HNF1A: variants seen among roughly 807,000 people sequenced by gnomAD.
The protein encoded by HNF1A is HNF1 homeobox A.
In HNF1A, 21 loss-of-function variants were observed where a neutral mutation model predicts 62.2. That is an observed-to-expected ratio of 0.34 (90% confidence interval 0.24 to 0.49). HNF1A has a LOEUF of 0.49. Ranked by LOEUF, HNF1A falls within the 20% of genes least tolerant of loss-of-function variation. HNF1A has a pLI of 0.99. For synonymous variants in HNF1A, 374 were observed against 366.8 expected (o/e 1.02, Z -0.22); for missense variants, 687 against 832.3 (o/e 0.83, Z 2.15).
chr12:121,001,790 C>CT lies in HNF1A; in HGVS notation c.*599dup, dbSNP rs1430668301. 1 of 536,294 alleles carries CT rather than the reference C, an allele frequency of 1.9e-6. No individual in the cohort carries two copies. Among genetic ancestry groups the CT allele is most frequent in the Non-Finnish European group, 3.6e-6 (1 of 276,492 alleles). 33.2% of individuals were successfully genotyped at this position (536,294 alleles called of 1,614,324 possible). On this transcript the variant is annotated 3_prime_UTR_variant, in exon 10 of 10. Coordinates refer to ENST00000257555, the MANE Select transcript of HNF1A (RefSeq NM_000545.8). ...CTACTCTGTGCCAGAGCCTGGGGCT[C>CT]TAACGCCTGAGCCCAGGGAGGCCGA...
chr12:120,997,703 T>C (rs1043707065), intron 7 of HNF1A, 38 bp downstream of exon 7: 11 of 1,581,930 alleles, frequency 7.0e-6, no homozygotes, highest in Middle Eastern at 1.7e-4. Context: ...GAGATGATGA[T>C]AGAGGTTGGC....
chr12:120,989,850 G>C (rs11065387), intron 2 of HNF1A, among the ~76,000 whole-genome samples: 2,535 of 152,224 alleles, frequency 0.017, 34 homozygotes, highest in Non-Finnish European at 0.024. Context: ...ATGACCTTTA[G>C]ACTAGGTCTT....
chr12:120,989,083 C>T, intron 2 of HNF1A, 51 bp downstream of exon 2: 1 of 1,565,442 alleles, frequency 6.4e-7, no homozygotes, highest in Non-Finnish European at 8.8e-7. Flanking sequence ...CAGGACTCTC[C>T]CCTAACTCAT....
At chr12:120,986,510 C>T (rs1662991471) in intron 1 of HNF1A, among the ~76,000 whole-genome samples, 1 of 152,192 alleles carries the variant, frequency 6.6e-6, no homozygotes, top group Admixed American at 6.5e-5. Flanking sequence ...ATCACGCAGA[C>T]CCAAGTTCAA....
intron 7 of HNF1A, among the ~76,000 whole-genome samples, chr12:120,998,990 A>G (rs1877268230): frequency 6.6e-6 from 1 of 152,262 alleles, no homozygotes; most frequent in South Asian, 2.1e-4. Context: ...GTTCCCTTTC[A>G]TACCTGCTGT....
rs1240326976 is a variant in HNF1A at position 121,002,144 on chromosome 12, G to C, written c.*952G>C. 1 of 515,018 alleles carries C rather than the reference G, an allele frequency of 1.9e-6. No individual in the cohort carries two copies. Among genetic ancestry groups the C allele is most frequent in the Non-Finnish European group, 3.8e-6 (1 of 266,306 alleles). The allele number at this position is 515,018 out of a possible 1,614,324, so 31.9% of individuals were successfully genotyped here. ...GCCCGAGCAGCTGAGCAGGGCCGGGGAACTGGCCAAGCTGAGGTGCCCAGG... is the reference window on the plus strand; with the variant it reads ...GCCCGAGCAGCTGAGCAGGGCCGGGCAACTGGCCAAGCTGAGGTGCCCAGG... On this transcript the variant is annotated 3_prime_UTR_variant, in exon 10 of 10. Coordinates refer to ENST00000257555, the MANE Select transcript of HNF1A (RefSeq NM_000545.8).
At chr12:120,981,593 C>T (rs1197492625) in intron 1 of HNF1A, among the ~76,000 whole-genome samples, 1 of 152,206 alleles carries the variant, frequency 6.6e-6, no homozygotes, top group Non-Finnish European at 1.5e-5. Context: ...CCAATTCCCA[C>T]CCCAGGGCCT....
Position 120,978,761 on chromosome 12 carries a change from G to C in HNF1A, c.-8G>C. On this transcript the variant is annotated 5_prime_UTR_variant, in exon 1 of 10. Transcript: ENST00000257555. ...ACCCGGGCCGCGTGGCCCTGTGGCA[G>C]CCGAGCCATGGTTTCTAAACTGAGC... 6.2e-7 allele frequency: 1 copy of C among 1,612,456 alleles called. No individual in the cohort carries two copies. Among genetic ancestry groups the C allele is most frequent in the Non-Finnish European group, 8.5e-7 (1 of 1,179,710 alleles).
chr12:120,995,834 C>G (rs1446539036), intron 4 of HNF1A, among the ~76,000 whole-genome samples: 1 of 152,122 alleles, frequency 6.6e-6, no homozygotes, highest in African/African-American at 2.4e-5. Flanking sequence ...CCACTCAATT[C>G]CATCTACTCT....
chr12:121,002,357 C>T lies in HNF1A; in HGVS notation c.*1165C>T, dbSNP rs927067298. ...CAAGCATGGTCCCACATCCCTGGGC[C>T]TGCTGCTGAGAACCTGGCCTTCAGT... On this transcript the variant is annotated 3_prime_UTR_variant, in exon 10 of 10. Coordinates refer to ENST00000257555, the MANE Select transcript of HNF1A (RefSeq NM_000545.8). The T allele has an allele frequency of 2.9e-4, 144 of 488,960 alleles. 1 individual carries two copies. Among genetic ancestry groups the T allele is most frequent in the Admixed American group, 5.6e-5 (2 of 36,016 alleles). 30.3% of individuals were successfully genotyped at this position (488,960 alleles called of 1,614,324 possible).
At chr12:120,979,138 G>A in intron 1 of HNF1A, 44 bp downstream of exon 1, 3 of 1,552,812 alleles carry the variant, frequency 1.9e-6, no homozygotes, top group Non-Finnish European at 2.6e-6. Flanking sequence ...GAGCCTAGAG[G>A]GGCCCCCCTC....
intron 1 of HNF1A, among the ~76,000 whole-genome samples, chr12:120,987,213 G>A (rs1033242880): frequency 3.3e-5 from 5 of 151,904 alleles, no homozygotes; most frequent in Non-Finnish European, 7.4e-5. Flanking sequence ...GGTGGCTCAC[G>A]CCAGTAATCC....
At chr12:120,989,086 T>C in intron 2 of HNF1A, 54 bp downstream of exon 2, 6 of 1,528,132 alleles carry the variant, frequency 3.9e-6, no homozygotes, top group Non-Finnish European at 5.4e-6. Flanking sequence ...GACTCTCCCC[T>C]AACTCATAGG....
chr12:121,001,591 G>A lies in HNF1A; in HGVS notation c.*399G>A, dbSNP rs1877489070. The stretch of plus-strand genomic sequence containing the variant: ...GGCAGCCACACTTCTCAGGACACAG[G>A]CCTGTGTAGCTGTGACCTGCTGAGC... On this transcript the variant is annotated 3_prime_UTR_variant, in exon 10 of 10. Transcript: ENST00000257555. 7 of 441,042 alleles carry A rather than the reference G, an allele frequency of 1.6e-5. No homozygotes were observed. The highest frequency in any genetic ancestry group is 3.0e-5 in the Non-Finnish European group (7 of 231,778). The allele number at this position is 441,042 out of a possible 1,614,324, so 27.3% of individuals were successfully genotyped here.
chr12:120,988,722 T>A, intron 1 of HNF1A, 111 bp from the exon 2 acceptor site: 1 of 963,118 alleles, frequency 1.0e-6, no homozygotes, highest in East Asian at 2.6e-5. Flanking sequence ...ACTGCTTTCA[T>A]GCACAGTCCC....
intron 2 of HNF1A, among the ~76,000 whole-genome samples, 161 bp downstream of exon 2, chr12:120,989,193 G>A (rs1414384687): frequency 6.6e-6 from 1 of 152,194 alleles, no homozygotes; most frequent in Non-Finnish European, 1.5e-5. Context: ...TTCTGCGCCA[G>A]GCACTCTGTG....
chr12:120,996,929 T>A lies in HNF1A; in HGVS notation c.1309+187T>A, dbSNP rs184963118. ...TGGGTGAACCAAACAGACCAAAATC[T>A]CAGCAACTCAAGCAGGGAGGCAGGC... On this transcript the variant is annotated intron_variant, in intron 6 of 9. Coordinates refer to ENST00000257555, the MANE Select transcript of HNF1A (RefSeq NM_000545.8). The surrounding 1 kb of genome is among the most constrained non-coding windows in gnomAD (Gnocchi z 4.5). The A allele has an allele frequency of 1.0e-4, 155 of 1,501,452 alleles. No individual in the cohort carries two copies. The African/African-American group carries it at 1.6e-3, about 15-fold the overall frequency. 93.0% of individuals were successfully genotyped at this position (1,501,452 alleles called of 1,614,324 possible).
chr12:120,999,309 A>G lies in HNF1A; in HGVS notation c.1543A>G (p.Thr515Ala). 2 of 1,613,810 alleles carry G rather than the reference A, an allele frequency of 1.2e-6. No individual in the cohort carries two copies. The highest frequency in any genetic ancestry group is 1.7e-6 in the Non-Finnish European group (2 of 1,179,952). Residue 515 changes from threonine to alanine, a missense_variant, in exon 8 of 10, where the codon ACG (threonine) becomes GCG (alanine). Thr to Ala is a moderately conservative substitution (Grantham distance 58, BLOSUM62 0). Coordinates refer to ENST00000257555, the MANE Select transcript of HNF1A (RefSeq NM_000545.8). ...HKPEVAQYTH[T>A]GLLPQTMLIT... ...GCCCGAGGTGGCCCAGTACACCCAC[A>G]CGGGCCTGCTCCCGCAGACTATGCT... is the stretch of plus-strand genomic sequence containing the variant.
At chr12:120,984,246 G>A (rs866922441) in intron 1 of HNF1A, among the ~76,000 whole-genome samples, 2 of 152,036 alleles carry the variant, frequency 1.3e-5, no homozygotes, top group Admixed American at 1.3e-4. Context: ...GCCTGTCTTC[G>A]GTTTCTAAGG....
Sources: gnomAD v4.1 joint callset for allele counts (sites outside exome capture counted in the v4.1 genomes callset) on GRCh38, gnomAD v4.1.1 for gene constraint, Gnocchi (gnomAD v3.1) non-coding constraint, MANE v1.5 for transcripts, NCBI Gene and HGNC (gene_info 2026-07-23, HGNC 2026-07-21) for gene names.